Variants in RNF144A observed in about 807,000 individuals in gnomAD.
RNF144A encodes the protein E3 ubiquitin-protein ligase RNF144A.
In RNF144A, 11 loss-of-function variants were observed where a neutral mutation model predicts 38.7. The ratio of observed to expected loss-of-function variants is 0.28; its 90% confidence interval spans 0.18 to 0.47. RNF144A has a LOEUF of 0.47. Among genes scored for constraint, RNF144A ranks in the 20% least tolerant of loss-of-function variants. RNF144A has a pLI of 0.99. For missense variants in RNF144A, 316 were observed against 377.2 expected (o/e 0.84, Z 1.34); for synonymous variants, 149 against 143.9 (o/e 1.04, Z -0.25).
chr2:7,030,257 C>CTGTGTG (rs58324246), intron 8 of RNF144A, 42 bp downstream of exon 8: 8,546 of 723,980 alleles, frequency 0.012, 77 homozygotes, highest in South Asian at 0.013. Context: ...CAGAGAGAGA[C>CTGTGTG]TGTGTGTGTG....
At chr2:7,003,388 T>C (rs543471430) in intron 3 of RNF144A, among the ~76,000 whole-genome samples, 1 of 152,358 alleles carries the variant, frequency 6.6e-6, no homozygotes, top group East Asian at 1.9e-4. Context: ...GCGCCCTGTA[T>C]AAGTATATGA....
chr2:6,992,105 C>T (rs113120520), intron 2 of RNF144A, among the ~76,000 whole-genome samples: 20 of 152,164 alleles, frequency 1.3e-4, no homozygotes, highest in African/African-American at 3.9e-4. Flanking sequence ...TGTTGAAGAA[C>T]GGTGCACTTG....
intron 2 of RNF144A, among the ~76,000 whole-genome samples, chr2:6,983,790 C>T (rs1558404659): frequency 6.6e-6 from 1 of 152,174 alleles, no homozygotes; most frequent in Non-Finnish European, 1.5e-5. Context: ...GGTGACCCTC[C>T]TGGCATCACC....
intron 6 of RNF144A, among the ~76,000 whole-genome samples, chr2:7,057,680 G>C (rs1673792189): frequency 1.3e-5 from 2 of 152,298 alleles, no homozygotes; most frequent in African/African-American, 4.8e-5. Context: ...TTGGAGTTAA[G>C]ATCTTACAAT....
Position 6,976,139 on chromosome 2 carries a change from T to G in RNF144A, c.-11-20777T>G, listed in dbSNP as rs772416625. Among the ~76,000 whole-genome samples the G allele has an allele frequency of 6.4e-4, 97 of 152,298 alleles. 1 individual carries two copies. The highest frequency in any genetic ancestry group is 3.4e-3 in the Middle Eastern group (1 of 294). ...CATGACTGGAAGTGGGATTACTAGG[T>G]CAGTGGGTACATGTAGTAAATCTTT... On this transcript the variant is annotated intron_variant, in intron 2 of 8. Transcript: ENST00000320892.
the RNF144A span, among the ~76,000 whole-genome samples, chr2:7,074,115 G>A: frequency 6.6e-6 from 1 of 152,180 alleles, no homozygotes; most frequent in Non-Finnish European, 1.5e-5. Flanking sequence ...CTTGCACAGA[G>A]GACACATGAA....
At chr2:6,960,982 G>A (rs751295852) in intron 2 of RNF144A, among the ~76,000 whole-genome samples, 1 of 152,152 alleles carries the variant, frequency 6.6e-6, no homozygotes, top group East Asian at 1.9e-4. Flanking sequence ...GTGTGTACGT[G>A]TGTGTGTTTG....
At chr2:7,021,437 G>C (rs543865730) in intron 6 of RNF144A, among the ~76,000 whole-genome samples, 27 of 152,110 alleles carry the variant, frequency 1.8e-4, no homozygotes, top group African/African-American at 6.0e-4. Context: ...TGTGACCCCT[G>C]TGCCCTGTTC....
chr2:7,032,926 GGGCT>G (rs1672420535), intron 8 of RNF144A, among the ~76,000 whole-genome samples: 1 of 152,248 alleles, frequency 6.6e-6, no homozygotes, highest in Non-Finnish European at 1.5e-5. Flanking sequence ...GGTTTTCCCT[GGGCT>G]GTAGGTAGGG....
In RNF144A at chr2:7,041,407, C is replaced by T. The variant is rs958172652; in HGVS notation, c.*1647C>T. ...GTCATGTTGATTTTCCTTATGAACC[C>T]GAAGCCATTTAGAAAATCCCTGTGT... is the stretch of plus-strand genomic sequence containing the variant. On this transcript the variant is annotated 3_prime_UTR_variant, in exon 9 of 9. Coordinates refer to ENST00000320892, the MANE Select transcript of RNF144A (RefSeq NM_014746.6). The T allele has an allele frequency of 2.3e-5, 23 of 985,722 alleles. No individual in the cohort carries two copies. The highest frequency in any genetic ancestry group is 2.3e-5 in the Non-Finnish European group (19 of 829,944). 61.1% of individuals were successfully genotyped at this position (985,722 alleles called of 1,614,324 possible). A position where few individuals can be genotyped will look rare whatever the true frequency, so the allele number is the denominator to read the frequency against.
chr2:6,924,704 G>T (rs1307805092), intron 1 of RNF144A, among the ~76,000 whole-genome samples: 2 of 152,252 alleles, frequency 1.3e-5, no homozygotes, highest in African/African-American at 2.4e-5. Context: ...GAACTTGCCA[G>T]GTAGGGCCCC....
chr2:6,968,103 C>T (rs1011966989), intron 2 of RNF144A, among the ~76,000 whole-genome samples: 11 of 152,218 alleles, frequency 7.2e-5, no homozygotes, highest in Non-Finnish European at 1.6e-4. Context: ...TGGTATGTCT[C>T]TTCTGCTCAT....
At chr2:7,020,894 C>T (rs959047190) in intron 6 of RNF144A, 8 of 572,086 alleles carry the variant, frequency 1.4e-5, no homozygotes, top group African/African-American at 1.1e-4. Flanking sequence ...TGTGTGAGGC[C>T]CTGGAAATAG....
chr2:7,047,181 C>T (rs968829323), downstream of RNF144A, among the ~76,000 whole-genome samples: 2 of 152,126 alleles, frequency 1.3e-5, no homozygotes, highest in South Asian at 4.1e-4. Flanking sequence ...GAATGCCTGT[C>T]AGATAAAGGA....
chr2:6,967,732 T>C (rs953414810), intron 2 of RNF144A, among the ~76,000 whole-genome samples: 4 of 152,344 alleles, frequency 2.6e-5, no homozygotes, highest in African/African-American at 9.6e-5. Context: ...ACTCACCTAC[T>C]AAATAAATCA....
At chr2:6,918,127 C>T (rs1175600632) in intron 1 of RNF144A, among the ~76,000 whole-genome samples, 4 of 152,144 alleles carry the variant, frequency 2.6e-5, no homozygotes, top group Non-Finnish European at 5.9e-5. Context: ...CGGGGCATCG[C>T]CACCGGCGGG....
intron 2 of RNF144A, among the ~76,000 whole-genome samples, chr2:6,952,473 G>A (rs1666749331): frequency 1.3e-5 from 2 of 150,700 alleles, no homozygotes; most frequent in South Asian, 4.2e-4. Flanking sequence ...AATTTTGGTA[G>A]TACTCAACTG....
At position 7,042,022 on chromosome 2, in the gene RNF144A, G is replaced by T. The variant is rs182706099; in HGVS notation, c.*2262G>T. The T allele has an allele frequency of 3.0e-6, 3 of 985,342 alleles. No individual in the cohort carries two copies. Among genetic ancestry groups the T allele is most frequent in the South Asian group, 4.7e-5 (1 of 21,286 alleles). The allele number at this position is 985,342 out of a possible 1,614,324, so 61.0% of individuals were successfully genotyped here. ...CCAGATAGGGACCACAGAGATTCTGGGGCCAGCCAGGGGCAGTCAAATTGG... is the reference window on the plus strand; with the variant it reads ...CCAGATAGGGACCACAGAGATTCTGTGGCCAGCCAGGGGCAGTCAAATTGG... On this transcript the variant is annotated 3_prime_UTR_variant, in exon 9 of 9. Coordinates refer to ENST00000320892, the MANE Select transcript of RNF144A (RefSeq NM_014746.6).
Position 7,028,495 on chromosome 2 carries a change from C to T in RNF144A, c.658-1631C>T, listed in dbSNP as rs1006133354. ...GCTCGGATGTGCAGCCAGGCTTGTC[C>T]ATGTCTGCTCGCAGAGGTCAGTAAC... On this transcript the variant is annotated intron_variant, in intron 7 of 8. Coordinates refer to ENST00000320892, the MANE Select transcript of RNF144A (RefSeq NM_014746.6). 6.4e-4 allele frequency among the ~76,000 whole-genome samples: 97 copies of T among 152,322 alleles called. 1 individual carries two copies. Among genetic ancestry groups the T allele is most frequent in the Middle Eastern group, 3.4e-3 (1 of 294 alleles).
Sources: gnomAD v4.1 joint callset for allele counts (sites outside exome capture counted in the v4.1 genomes callset) on GRCh38, gnomAD v4.1.1 for gene constraint, MANE v1.5 for transcripts, NCBI Gene and HGNC (gene_info 2026-07-23, HGNC 2026-07-21) for gene names.